The following TUBGCP4 variants were observed in gnomAD, a reference collection of about 807,000 sequenced individuals.
TUBGCP4 encodes gamma-tubulin complex component 4.
Under a neutral mutation model 91.6 loss-of-function variants are expected in TUBGCP4, and 54 were observed. The ratio of observed to expected loss-of-function variants is 0.59; its 90% CI spans 0.47 to 0.74. The LOEUF is 0.74. Among genes scored for constraint, TUBGCP4 ranks in the 30% least tolerant of loss-of-function variants. TUBGCP4 has a pLI of 0.00. For missense variants in TUBGCP4, 593 were observed against 800.9 expected (o/e 0.74, Z 3.13); for synonymous variants, 297 against 302.8 (o/e 0.98, Z 0.20).
rs1197154061 is a variant in TUBGCP4, at chr15:43,403,672, T to C, written c.1732-11T>C. On this transcript the variant is annotated splice_polypyrimidine_tract_variant and intron_variant, in intron 15 of 17. Transcript: ENST00000564079. ...CTTCCTTTCCTAATGCCAACTCTGT[T>C]TCCCGGGTAGGTGTTTCACTGCCTG... 5 of 1,599,164 alleles carry C rather than the reference T, an allele frequency of 3.1e-6. No homozygotes were observed. In the Admixed American group the frequency reaches 6.7e-5, roughly 21 times the overall value.
Position 43,400,035 on chromosome 15 carries a change from C to CT in TUBGCP4, c.1419-8dup, listed in dbSNP as rs753037140. 3.8e-6 allele frequency: 6 copies of CT among 1,595,520 alleles called. No homozygotes were observed. The East Asian group carries it at 1.4e-4, about 36-fold the overall frequency. ...TTTTGTCTTGAATATCCTGTTATTT[C>CT]TGTCCTAGGTACAATGTTGTTTTTA... On this transcript the variant is annotated splice_polypyrimidine_tract_variant and intron_variant, in intron 13 of 17. Transcript: ENST00000564079.
In TUBGCP4 at chr15:43,408,127, A is replaced by G; in HGVS notation, c.*2913A>G. On this transcript the variant is annotated 3_prime_UTR_variant, in exon 18 of 18. Transcript: ENST00000564079. ...AGGAAAGGACCTTAGCATGACAAGT[A>G]ATATCCAACAAACTGCCTTTCTGCA... 6.3e-7 allele frequency: 1 copy of G among 1,595,666 alleles called. No individual in the cohort carries two copies. Among genetic ancestry groups the G allele is most frequent in the Non-Finnish European group, 8.5e-7 (1 of 1,170,330 alleles).
At position 43,409,761 on chromosome 15, in the gene TUBGCP4, C is replaced by T. The variant is rs767900840; in HGVS notation, c.*4547C>T. 2 of 1,252,504 alleles carry T rather than the reference C, an allele frequency of 1.6e-6. No homozygotes were observed. The highest frequency in any genetic ancestry group is 2.2e-6 in the Non-Finnish European group (2 of 899,078). The allele number at this position is 1,252,504 out of a possible 1,614,324, so 77.6% of individuals were successfully genotyped here. On this transcript the variant is annotated 3_prime_UTR_variant, in exon 18 of 18. Coordinates refer to ENST00000564079, the MANE Select transcript of TUBGCP4 (RefSeq NM_014444.5). ...AAAATTCTATATTAAAAAAAAAAAC[C>T]AAGATAATAATTACTGAGTGGTTTT... is the stretch of plus-strand genomic sequence containing the variant.
chr15:43,395,768 CCTG>C lies in TUBGCP4; in HGVS notation c.1171+83_1171+85del, dbSNP rs1003332294. The C allele has an allele frequency of 3.6e-5, 42 of 1,169,934 alleles. No homozygotes were observed. In the African/African-American group the frequency reaches 6.2e-4, roughly 17 times the overall value. 72.5% of individuals were successfully genotyped at this position (1,169,934 alleles called of 1,614,324 possible). ...TTGGCTGCTGCTGACCCTTTTAAGG[CCTG>C]CTCCACATAAGAGCAGCCTGATGAG... On this transcript the variant is annotated intron_variant, in intron 11 of 17. Transcript: ENST00000564079.
At position 43,406,496 on chromosome 15, in the gene TUBGCP4, C is replaced by A; in HGVS notation, c.*1282C>A. The A allele has an allele frequency of 2.4e-6, 1 of 420,058 alleles. No individual in the cohort carries two copies. The highest frequency in any genetic ancestry group is 1.7e-5 in the South Asian group (1 of 57,178). 26.0% of individuals were successfully genotyped at this position (420,058 alleles called of 1,614,324 possible). On this transcript the variant is annotated 3_prime_UTR_variant, in exon 18 of 18. Transcript: ENST00000564079. The stretch of plus-strand genomic sequence containing the variant: ...AAACACAGCCATGCCCATTTGTTTA[C>A]TCATTGTCTATGGTTGCTTTCATGC...
At position 43,386,233 on chromosome 15, in the gene TUBGCP4, C is replaced by A. The variant is rs2142814064; in HGVS notation, c.917C>A (p.Thr306Asn). Residue 306 changes from threonine (T) to asparagine (N), a missense_variant, in exon 9 of 18, where the codon ACT (threonine) becomes AAT (asparagine). By Grantham distance (65) the Thr-to-Asn change is moderately conservative. Coordinates refer to ENST00000564079, the MANE Select transcript of TUBGCP4 (RefSeq NM_014444.5). ...TCCATTTTGAAAAACCAGGAAGACA[C>A]TTTTGCTGCAGAGCTGCACCGTCTC... is the stretch of plus-strand genomic sequence containing the variant. ...KGSILKNQED[T>N]FAAELHRLKQ... The A allele has an allele frequency of 1.9e-6, 3 of 1,607,966 alleles. No individual in the cohort carries two copies. Among genetic ancestry groups the A allele is most frequent in the East Asian group, 4.5e-5 (2 of 44,704 alleles).
chr15:43,404,232 C>T (rs1363301281), intron 16 of TUBGCP4, 181 bp from the exon 17 acceptor site: 1 of 629,884 alleles, frequency 1.6e-6, no homozygotes, highest in African/African-American at 1.8e-5. Flanking sequence ...GGAAGTCATG[C>T]ATGTATGGAT....
chr15:43,398,241 T>G, intron 13 of TUBGCP4, 62 bp downstream of exon 13: 2 of 1,564,866 alleles, frequency 1.3e-6, no homozygotes. Flanking sequence ...GGGAAGAAAC[T>G]AGCAGGAACA....
Position 43,406,609 on chromosome 15 carries a change from C to T in TUBGCP4, c.*1395C>T, listed in dbSNP as rs1251133263. On this transcript the variant is annotated 3_prime_UTR_variant, in exon 18 of 18. Transcript: ENST00000564079. ...TCTTTGACCCTTTACAGAAAAAAAC[C>T]TTGTTGACCCCTGCTTTAGAGAATG... 1 of 455,830 alleles carries T rather than the reference C, an allele frequency of 2.2e-6. No individual in the cohort carries two copies. The highest frequency in any genetic ancestry group is 4.4e-6 in the Non-Finnish European group (1 of 226,758). 28.2% of individuals were successfully genotyped at this position (455,830 alleles called of 1,614,324 possible).
chr15:43,405,334 C>A lies in TUBGCP4; in HGVS notation c.*120C>A. 1 of 1,140,250 alleles carries A rather than the reference C, an allele frequency of 8.8e-7. No individual in the cohort carries two copies. The highest frequency in any genetic ancestry group is 1.3e-6 in the Non-Finnish European group (1 of 771,668). 70.6% of individuals were successfully genotyped at this position (1,140,250 alleles called of 1,614,324 possible). ...TCTGCGGCTTAGTGATAGGACTCTACCTTTTCTCCTAGAAGCAGTTACTGA... is the reference window on the plus strand; with the variant it reads ...TCTGCGGCTTAGTGATAGGACTCTAACTTTTCTCCTAGAAGCAGTTACTGA... On this transcript the variant is annotated 3_prime_UTR_variant, in exon 18 of 18. Transcript: ENST00000564079.
In TUBGCP4 at chr15:43,371,878, A is replaced by G. The variant is rs140344096; in HGVS notation, c.78+446A>G. Among the ~76,000 whole-genome samples the G allele has an allele frequency of 5.3e-5, 8 of 152,258 alleles. No homozygotes were observed. In the East Asian group the frequency reaches 1.5e-3, roughly 29 times the overall value. On this transcript the variant is annotated intron_variant, in intron 1 of 17. Coordinates refer to ENST00000564079, the MANE Select transcript of TUBGCP4 (RefSeq NM_014444.5). ...ATCGAGAGCGTGTGGTGTTTCCCTC[A>G]TTACTCCTTTACCAGAAAATTTCTG...
intron 16 of TUBGCP4, 112 bp downstream of exon 16, chr15:43,403,911 C>T (rs144395312): frequency 3.7e-5 from 27 of 729,454 alleles, no homozygotes; most frequent in African/African-American, 2.1e-4. Context: ...AATACACACA[C>T]GTACAGAGAT....
Position 43,408,729 on chromosome 15 carries a change from C to G in TUBGCP4, c.*3515C>G. 1 of 651,754 alleles carries G rather than the reference C, an allele frequency of 1.5e-6. No individual in the cohort carries two copies. Among genetic ancestry groups the G allele is most frequent in the Non-Finnish European group, 2.6e-6 (1 of 383,390 alleles). 40.4% of individuals were successfully genotyped at this position (651,754 alleles called of 1,614,324 possible). A position where few individuals can be genotyped will look rare whatever the true frequency, so the allele number is the denominator to read the frequency against. On this transcript the variant is annotated 3_prime_UTR_variant, in exon 18 of 18. Coordinates refer to ENST00000564079, the MANE Select transcript of TUBGCP4 (RefSeq NM_014444.5). The stretch of plus-strand genomic sequence containing the variant: ...GCAAAAGGTTCCTAGCCAATGTAAC[C>G]TAGGGAAATAAACTAGATAAACTCC...
At chr15:43,394,830 G>T (rs372238763) in intron 9 of TUBGCP4, 7 of 440,440 alleles carry the variant, frequency 1.6e-5, no homozygotes, top group Non-Finnish European at 2.9e-5. Flanking sequence ...AGTTTCCTGA[G>T]GCCTCCCTAG....
At chr15:43,385,499 C>T in intron 7 of TUBGCP4, 2 of 490,528 alleles carry the variant, frequency 4.1e-6, no homozygotes, top group Non-Finnish European at 3.9e-6. Context: ...CCACCTCTTT[C>T]ATCGTACAAG....
At chr15:43,396,141 CTTGT>C (rs1382634709) in intron 11 of TUBGCP4, among the ~76,000 whole-genome samples, 10 of 152,228 alleles carry the variant, frequency 6.6e-5, no homozygotes, top group African/African-American at 2.4e-4. Flanking sequence ...TTCACCACAT[CTTGT>C]TTGTGTCTCT....
In TUBGCP4 at chr15:43,379,338, G is replaced by A. The variant is rs539171991; in HGVS notation, c.442-746G>A. 7.6e-4 allele frequency among the ~76,000 whole-genome samples: 116 copies of A among 152,282 alleles called. 4 individuals carry two copies. The South Asian group carries it at 0.023, about 30-fold the overall frequency. ...ATTTCATTGTAAATTATACCTCAAA[G>A]TGGTAAAAATAAAAGTCTGGGGACC... On this transcript the variant is annotated intron_variant, in intron 5 of 17. Coordinates refer to ENST00000564079, the MANE Select transcript of TUBGCP4 (RefSeq NM_014444.5).
intron 5 of TUBGCP4, 116 bp downstream of exon 5, chr15:43,378,019 T>C (rs1595478593): frequency 1.3e-6 from 1 of 768,516 alleles, no homozygotes; most frequent in East Asian, 2.9e-5. Context: ...TATTTATTCA[T>C]TCATTTAACA....
rs772688467 is a variant in TUBGCP4 at position 43,403,662 on chromosome 15, C to T, written c.1732-21C>T. ...ATGTACCTTCCTTCCTTTCCTAATG[C>T]CAACTCTGTTTCCCGGGTAGGTGTT... On this transcript the variant is annotated intron_variant, in intron 15 of 17. Coordinates refer to ENST00000564079, the MANE Select transcript of TUBGCP4 (RefSeq NM_014444.5). 2.6e-6 allele frequency: 4 copies of T among 1,566,002 alleles called. No homozygotes were observed. The African/African-American group carries it at 4.1e-5, about 16-fold the overall frequency.
Sources: allele counts gnomAD v4.1 joint callset (sites outside exome capture counted in the v4.1 genomes callset), GRCh38; gene constraint gnomAD v4.1.1; transcripts MANE v1.5; gene names NCBI Gene and HGNC (gene_info 2026-07-23, HGNC 2026-07-21).